The following MACROD2 variants were observed in gnomAD, a reference collection of about 807,000 sequenced individuals.
MACROD2 encodes ADP-ribose glycohydrolase MACROD2.
MACROD2 carries 36 observed loss-of-function variants against 70.4 expected under a neutral mutation model. The observed-to-expected ratio is 0.51, with a 90% CI of 0.39 to 0.68. The LOEUF (loss-of-function observed/expected upper bound fraction) is 0.68. Ranked by LOEUF, MACROD2 falls within the 30% of genes least tolerant of loss-of-function variation. MACROD2 has a pLI of 0.00. For synonymous variants in MACROD2, 172 were observed against 178.8 expected, an observed-to-expected ratio of 0.96 and a Z score of 0.30; for missense variants, 496 against 538.4, an observed-to-expected ratio of 0.92 and a Z score of 0.78.
intron 8 of MACROD2, among the ~76,000 whole-genome samples, chr20:15,637,749 C>A (rs1337490498): frequency 6.6e-6 from 1 of 152,170 alleles, no homozygotes; most frequent in African/African-American, 2.4e-5. Flanking sequence ...CGGTTGTGGG[C>A]TGATACCATG....
intron 4 of MACROD2, among the ~76,000 whole-genome samples, chr20:14,611,452 G>GTTT (rs11473891): frequency 0.03 from 3,390 of 113,246 alleles, 152 homozygotes; most frequent in African/African-American, 0.11. Flanking sequence ...ATGCCCTGAG[G>GTTT]TTTTTTTTTT....
chr20:15,808,751 A>G (rs1367126282), intron 8 of MACROD2, among the ~76,000 whole-genome samples: 1 of 152,200 alleles, frequency 6.6e-6, no homozygotes, highest in East Asian at 1.9e-4. Context: ...TCTTTGTGAC[A>G]TTTCAGTAAT....
intron 6 of MACROD2, among the ~76,000 whole-genome samples, chr20:15,386,520 A>G (rs1004067046): frequency 2.0e-5 from 3 of 152,212 alleles, no homozygotes; most frequent in African/African-American, 7.2e-5. Flanking sequence ...GAAGTCACTA[A>G]AAGTACTATT....
At chr20:15,813,592 A>G (rs2063842327) in intron 8 of MACROD2, among the ~76,000 whole-genome samples, 1 of 152,164 alleles carries the variant, frequency 6.6e-6, no homozygotes, top group Non-Finnish European at 1.5e-5. Flanking sequence ...AGCATGGGAA[A>G]CATAGTGAGA....
At chr20:14,466,140 G>T (rs1221847608) in intron 3 of MACROD2, among the ~76,000 whole-genome samples, 2 of 152,072 alleles carry the variant, frequency 1.3e-5, no homozygotes, top group African/African-American at 4.8e-5. Context: ...TTCCAACTTG[G>T]TTCCATTCTC....
chr20:14,023,532 A>T (rs899414435), intron 2 of MACROD2, among the ~76,000 whole-genome samples: 1 of 152,160 alleles, frequency 6.6e-6, no homozygotes, highest in Non-Finnish European at 1.5e-5. Flanking sequence ...TTATGGTTTT[A>T]GGTCTTACAT....
At chr20:14,653,841 C>A (rs566638032) in intron 4 of MACROD2, among the ~76,000 whole-genome samples, 10 of 152,262 alleles carry the variant, frequency 6.6e-5, no homozygotes, top group African/African-American at 2.4e-4. Flanking sequence ...AAAAAGCAGT[C>A]CCCTATTTAG....
At chr20:14,485,679 G>C (rs1250018842) in intron 3 of MACROD2, among the ~76,000 whole-genome samples, 13 of 80,982 alleles carry the variant, frequency 1.6e-4, no homozygotes, top group African/African-American at 6.9e-4. Flanking sequence ...TCCAGCCTGG[G>C]CAACAGAGCA....
intron 5 of MACROD2, among the ~76,000 whole-genome samples, chr20:14,801,548 A>G (rs1199726343): frequency 6.6e-6 from 1 of 152,128 alleles, no homozygotes; most frequent in Non-Finnish European, 1.5e-5. Flanking sequence ...AGTAATAGCT[A>G]CAATGGCAAT....
chr20:14,699,178 C>T lies in MACROD2; in HGVS notation c.418+14219C>T, dbSNP rs117259901. Among the ~76,000 whole-genome samples the T allele has an allele frequency of 9.7e-3, 1,477 of 152,202 alleles. 18 individuals are homozygous for T. The highest frequency in any genetic ancestry group is 0.014 in the Middle Eastern group (4 of 292). Reference sequence around the variant, plus strand: ...GAATTGATAGTGAGGTCCTTTCCCCCGATACAGAGTCAGCGTTCAAAGTCT... The same window carrying T: ...GAATTGATAGTGAGGTCCTTTCCCCTGATACAGAGTCAGCGTTCAAAGTCT... On this transcript the variant is annotated intron_variant, in intron 5 of 17. Transcript: ENST00000684519.
At chr20:15,701,026 A>G (rs1311132636) in intron 8 of MACROD2, among the ~76,000 whole-genome samples, 2 of 152,256 alleles carry the variant, frequency 1.3e-5, no homozygotes, top group African/African-American at 4.8e-5. Context: ...ATGTTGGTTC[A>G]GCTGATCTGG....
intron 5 of MACROD2, among the ~76,000 whole-genome samples, chr20:14,837,175 A>G (rs2073038922): frequency 6.6e-6 from 1 of 152,072 alleles, no homozygotes; most frequent in Non-Finnish European, 1.5e-5. Context: ...AATATCTAGA[A>G]AATAATAAAT....
chr20:14,272,075 G>A (rs1465334029), intron 3 of MACROD2, among the ~76,000 whole-genome samples: 3 of 152,042 alleles, frequency 2.0e-5, no homozygotes, highest in Non-Finnish European at 1.5e-5. Flanking sequence ...ACTCTGCAGG[G>A]TATTATCCGA....
chr20:14,960,023 A>G (rs1054030219), intron 5 of MACROD2, among the ~76,000 whole-genome samples: 18 of 152,184 alleles, frequency 1.2e-4, no homozygotes, highest in African/African-American at 4.3e-4. Flanking sequence ...ACCCAAGGAA[A>G]TGCCTCCTGT....
At chr20:15,579,587 T>G (rs1318608148) in intron 8 of MACROD2, among the ~76,000 whole-genome samples, 1 of 152,206 alleles carries the variant, frequency 6.6e-6, no homozygotes, top group Non-Finnish European at 1.5e-5. Flanking sequence ...ATTTCCTTTG[T>G]GGAAAAATTT....
At chr20:15,541,669 TTTCTAATGAAAACA>T (rs2047957557) in intron 8 of MACROD2, among the ~76,000 whole-genome samples, 1 of 152,226 alleles carries the variant, frequency 6.6e-6, no homozygotes. Flanking sequence ...AGATTTTCTG[TTTCTAATGAAAACA>T]TTCTTGTGAA....
At chr20:15,406,327 T>G (rs2046000715) in intron 6 of MACROD2, among the ~76,000 whole-genome samples, 1 of 152,232 alleles carries the variant, frequency 6.6e-6, no homozygotes, top group South Asian at 2.1e-4. Context: ...TTCATCATAT[T>G]CTGCTGCCAG....
chr20:15,987,876 TAAAA>T (rs1468773123), intron 15 of MACROD2, among the ~76,000 whole-genome samples: 1 of 152,204 alleles, frequency 6.6e-6, no homozygotes, highest in Non-Finnish European at 1.5e-5. Context: ...AAGAAGCTAA[TAAAA>T]TAATTTTTGT....
chr20:14,257,118 C>T (rs934499203), intron 3 of MACROD2, among the ~76,000 whole-genome samples: 3 of 152,086 alleles, frequency 2.0e-5, no homozygotes, highest in Non-Finnish European at 4.4e-5. Flanking sequence ...TTCACCATAG[C>T]ACTAGTGGTC....
Sources: allele counts gnomAD v4.1 joint callset (sites outside exome capture counted in the v4.1 genomes callset), GRCh38; gene constraint gnomAD v4.1.1; transcripts MANE v1.5; gene names NCBI Gene and HGNC (gene_info 2026-07-23, HGNC 2026-07-21).